Variants in PPM1H observed in about 807,000 individuals in gnomAD.
The protein encoded by PPM1H is protein phosphatase 1H.
PPM1H carries 27 observed loss-of-function variants against 54.9 expected under a neutral mutation model. The ratio of observed to expected loss-of-function variants is 0.49; its 90% CI spans 0.36 to 0.68. The LOEUF (loss-of-function observed/expected upper bound fraction) is 0.68. PPM1H is among the 30% of genes least tolerant of loss of function. The pLI is 0.00. For missense variants in PPM1H, 596 were observed against 667.8 expected (o/e 0.89, Z 1.19); for synonymous variants, 305 against 270.8 (o/e 1.13, Z -1.24).
At chr12:62,682,989 AT>A (rs2076028296) in intron 8 of PPM1H, among the ~76,000 whole-genome samples, 1 of 148,672 alleles carries the variant, frequency 6.7e-6, no homozygotes, top group African/African-American at 2.5e-5. Context: ...TTTATTATTT[AT>A]AAATTTATTA....
At chr12:62,748,156 T>C (rs1001694013) in intron 4 of PPM1H, among the ~76,000 whole-genome samples, 3 of 151,142 alleles carry the variant, frequency 2.0e-5, no homozygotes, top group Admixed American at 1.3e-4. Context: ...GGCAGGAGAA[T>C]GGCGTGAACC....
At chr12:62,841,795 C>G (rs925615445) in intron 1 of PPM1H, among the ~76,000 whole-genome samples, 1 of 152,032 alleles carries the variant, frequency 6.6e-6, no homozygotes, top group Non-Finnish European at 1.5e-5. Flanking sequence ...AATTAAATAA[C>G]TGAGAATGAA....
At chr12:62,870,128 A>C (rs1375215038) in intron 1 of PPM1H, among the ~76,000 whole-genome samples, 2 of 152,202 alleles carry the variant, frequency 1.3e-5, no homozygotes, top group Non-Finnish European at 2.9e-5. Flanking sequence ...TACATAGTGC[A>C]GTGAAATAAA....
At chr12:62,862,512 G>A (rs541909973) in intron 1 of PPM1H, among the ~76,000 whole-genome samples, 17 of 152,148 alleles carry the variant, frequency 1.1e-4, no homozygotes, top group Non-Finnish European at 2.2e-4. Flanking sequence ...CAAAGACTTT[G>A]TTTTGATGAC....
intron 1 of PPM1H, among the ~76,000 whole-genome samples, chr12:62,868,628 C>T (rs188067714): frequency 1.6e-4 from 25 of 152,290 alleles, no homozygotes; most frequent in African/African-American, 5.8e-4. Flanking sequence ...GAGCTGTTTA[C>T]ACTTACCTCA....
chr12:62,794,451 T>TGG, intron 3 of PPM1H, among the ~76,000 whole-genome samples: 1 of 152,254 alleles, frequency 6.6e-6, no homozygotes, highest in African/African-American at 2.4e-5. Context: ...TTCCAATCAT[T>TGG]TACCCAGTGA....
chr12:62,687,511 A>C (rs1050815761), intron 8 of PPM1H, among the ~76,000 whole-genome samples: 2 of 151,326 alleles, frequency 1.3e-5, no homozygotes, highest in African/African-American at 4.9e-5. Flanking sequence ...TTAGCCGCCC[A>C]AAGTGCTGGG....
At chr12:62,670,669 A>G (rs946520892) in intron 8 of PPM1H, among the ~76,000 whole-genome samples, 6 of 152,184 alleles carry the variant, frequency 3.9e-5, no homozygotes, top group Non-Finnish European at 8.8e-5. Flanking sequence ...AATTCCATCA[A>G]TAAATGTAAT....
chr12:62,922,884 G>C (rs905431867), intron 1 of PPM1H, among the ~76,000 whole-genome samples: 4 of 152,176 alleles, frequency 2.6e-5, no homozygotes, highest in African/African-American at 4.8e-5. Flanking sequence ...GAGCATTCCT[G>C]CCTGGCCACC....
At chr12:62,778,709 G>A (rs538272240) in intron 4 of PPM1H, among the ~76,000 whole-genome samples, 12 of 152,262 alleles carry the variant, frequency 7.9e-5, no homozygotes, top group Non-Finnish European at 1.3e-4. Context: ...CTAACACTTT[G>A]GGAGGCGAGG....
At chr12:62,816,075 T>C (rs2076864657) in intron 2 of PPM1H, among the ~76,000 whole-genome samples, 1 of 152,188 alleles carries the variant, frequency 6.6e-6, no homozygotes, top group Admixed American at 6.5e-5. Flanking sequence ...ATTGAAATTA[T>C]ACATGTCAAC....
At chr12:62,933,625 T>C (rs991736056) in intron 1 of PPM1H, among the ~76,000 whole-genome samples, 1 of 152,184 alleles carries the variant, frequency 6.6e-6, no homozygotes, top group African/African-American at 2.4e-5. Flanking sequence ...AGGTAGTAGA[T>C]AGAAGGGAAA....
intron 5 of PPM1H, among the ~76,000 whole-genome samples, chr12:62,721,578 A>G (rs189696990): frequency 6.6e-6 from 1 of 152,258 alleles, no homozygotes; most frequent in East Asian, 1.9e-4. Context: ...GTATCAAGGA[A>G]GCTTAAATAC....
intron 1 of PPM1H, among the ~76,000 whole-genome samples, chr12:62,867,495 G>C (rs528221661): frequency 6.7e-6 from 1 of 150,074 alleles, no homozygotes; most frequent in African/African-American, 2.5e-5. Flanking sequence ...AAACACGCTA[G>C]GATCTCATCA....
chr12:62,744,709 G>A (rs535319757), intron 4 of PPM1H, among the ~76,000 whole-genome samples: 7 of 152,250 alleles, frequency 4.6e-5, no homozygotes, highest in East Asian at 1.9e-4. Context: ...CAGGCCTCAC[G>A]GGGGAAGCTG....
intron 4 of PPM1H, among the ~76,000 whole-genome samples, chr12:62,765,227 T>C (rs968117808): frequency 6.6e-6 from 1 of 152,122 alleles, no homozygotes; most frequent in Non-Finnish European, 1.5e-5. Context: ...AGAACTGATG[T>C]CCACGAGATG....
chr12:62,821,648 A>G (rs2076903695), intron 2 of PPM1H, among the ~76,000 whole-genome samples: 1 of 152,170 alleles, frequency 6.6e-6, no homozygotes, highest in African/African-American at 2.4e-5. Context: ...AGAATTTCAT[A>G]TCCAGCCAAA....
intron 2 of PPM1H, among the ~76,000 whole-genome samples, chr12:62,820,956 G>A (rs1328287025): frequency 1.3e-5 from 2 of 152,090 alleles, no homozygotes; most frequent in Non-Finnish European, 2.9e-5. Context: ...CAGGAGGTCG[G>A]TAATAACAAA....
At chr12:62,861,256 CAG>C (rs1453903365) in intron 1 of PPM1H, among the ~76,000 whole-genome samples, 1 of 152,204 alleles carries the variant, frequency 6.6e-6, no homozygotes, top group Non-Finnish European at 1.5e-5. Flanking sequence ...GAGGATTAGA[CAG>C]AGATTCTGCA....
Sources: gnomAD v4.1 joint callset for allele counts (sites outside exome capture counted in the v4.1 genomes callset) on GRCh38, gnomAD v4.1.1 for gene constraint, MANE v1.5 for transcripts, NCBI Gene and HGNC (gene_info 2026-07-23, HGNC 2026-07-21) for gene names.